Variants in CEACAM21 observed in about 807,000 individuals in gnomAD.
The protein encoded by CEACAM21 is CEA cell adhesion molecule 21.
Under a neutral mutation model 33.2 loss-of-function variants are expected in CEACAM21, and 38 were observed. That is an observed-to-expected ratio of 1.14 (90% CI 0.88 to 1.50). The LOEUF is 1.50. Among genes scored for constraint, CEACAM21 ranks in the 40% most tolerant of loss-of-function variants. CEACAM21 has a pLI of 0.00. For synonymous variants in CEACAM21, 156 were observed against 143.0 expected (o/e 1.09, Z -0.65); for missense variants, 385 against 364.6 (o/e 1.06, Z -0.46).
At chr19:41,583,645 T>A (rs1489122940) in intron 3 of CEACAM21, among the ~76,000 whole-genome samples, 1 of 152,202 alleles carries the variant, frequency 6.6e-6, no homozygotes, top group Non-Finnish European at 1.5e-5. Flanking sequence ...AGAGGACATG[T>A]GTAGGGAAGC....
chr19:41,584,048 CAG>C (rs1165120997), intron 3 of CEACAM21, among the ~76,000 whole-genome samples: 22 of 152,062 alleles, frequency 1.4e-4, no homozygotes, highest in African/African-American at 5.3e-4. Context: ...AAAAAAGAAA[CAG>C]GGGGAAGAGG....
upstream of CEACAM21, among the ~76,000 whole-genome samples, chr19:41,575,136 C>A (rs1555790568): frequency 2.6e-5 from 4 of 151,990 alleles, no homozygotes. Flanking sequence ...GTAAACTAGG[C>A]AAATTCACAG....
chr19:41,583,350 A>C (rs116352435), intron 3 of CEACAM21, among the ~76,000 whole-genome samples: 3,615 of 152,250 alleles, frequency 0.024, 155 homozygotes, highest in African/African-American at 0.083. Context: ...AGGAAGTTTC[A>C]AACTTTTTTC....
chr19:41,575,625 G>A (rs578247882), upstream of CEACAM21, among the ~76,000 whole-genome samples: 2 of 152,282 alleles, frequency 1.3e-5, no homozygotes, highest in East Asian at 3.9e-4. Context: ...TTCCATCAAA[G>A]TCCTCTCTTC....
intron 2 of CEACAM21, among the ~76,000 whole-genome samples, chr19:41,565,246 C>T (rs1189884998): frequency 5.9e-5 from 9 of 151,988 alleles, no homozygotes; most frequent in Non-Finnish European, 1.2e-4. Context: ...CCTGTGGCAC[C>T]GCCACCGCTA....
intron 1 of CEACAM21, chr19:41,550,807 A>G (rs947904221): frequency 6.6e-6 from 1 of 152,152 alleles, no homozygotes; most frequent in Non-Finnish European, 1.5e-5. Flanking sequence ...AATAATAACG[A>G]TAAATCCTAT....
chr19:41,565,557 G>A (rs1268924464), intron 2 of CEACAM21: 1 of 95,218 alleles, frequency 1.1e-5, no homozygotes, highest in Non-Finnish European at 1.7e-5. Flanking sequence ...CGCCCCCCTT[G>A]TTTTTCACAG....
upstream of CEACAM21, among the ~76,000 whole-genome samples, chr19:41,573,394 T>C (rs1184958471): frequency 1.2e-4 from 18 of 152,140 alleles, no homozygotes; most frequent in Admixed American, 1.2e-3. Context: ...AGTCAGGCCT[T>C]CCAGATGCCA....
At chr19:41,562,071 C>T (rs1555786925) in intron 1 of CEACAM21, among the ~76,000 whole-genome samples, 1 of 152,050 alleles carries the variant, frequency 6.6e-6, no homozygotes, top group Non-Finnish European at 1.5e-5. Context: ...CATGGTGAAA[C>T]CCCATCTGTA....
intron 2 of CEACAM21, among the ~76,000 whole-genome samples, chr19:41,567,504 C>A (rs1218112483): frequency 1.3e-5 from 2 of 152,196 alleles, no homozygotes; most frequent in East Asian, 1.9e-4. Context: ...CAGCAAACAA[C>A]AATTTAGCAA....
chr19:41,569,221 T>C, intron 2 of CEACAM21, among the ~76,000 whole-genome samples: 1 of 152,080 alleles, frequency 6.6e-6, no homozygotes, highest in African/African-American at 2.4e-5. Flanking sequence ...TTTTTTACTT[T>C]TATTTTTTGA....
intron 3 of CEACAM21, among the ~76,000 whole-genome samples, chr19:41,583,911 A>AGAG (rs369049113): frequency 0.032 from 4,810 of 152,278 alleles, 255 homozygotes; most frequent in African/African-American, 0.11. Flanking sequence ...GAAAAGCTGC[A>AGAG]GGTAGATTGA....
intron 3 of CEACAM21, among the ~76,000 whole-genome samples, chr19:41,579,847 TCA>T (rs1218136455): frequency 3.9e-5 from 6 of 152,200 alleles, no homozygotes; most frequent in Admixed American, 3.9e-4. Context: ...CTCCTGGGCC[TCA>T]GTTTCCTCAT....
intron 2 of CEACAM21, among the ~76,000 whole-genome samples, chr19:41,567,999 C>T (rs374053245): frequency 9.2e-5 from 14 of 151,930 alleles, no homozygotes; most frequent in African/African-American, 3.1e-4. Context: ...CACCCTTCAT[C>T]CTACAGACAT....
intron 1 of CEACAM21, among the ~76,000 whole-genome samples, chr19:41,562,587 T>C (rs2041958427): frequency 6.6e-6 from 1 of 152,140 alleles, no homozygotes; most frequent in African/African-American, 2.4e-5. Context: ...AGAAATAAAA[T>C]GTGGCATATT....
At chr19:41,571,407 A>G (rs950681317), upstream of CEACAM21, among the ~76,000 whole-genome samples, 3 of 152,282 alleles carry the variant, frequency 2.0e-5, no homozygotes, top group East Asian at 3.9e-4. Context: ...CCAAGGATCT[A>G]TACAACAAAA....
chr19:41,558,466 C>T (rs1037442111), intron 1 of CEACAM21, among the ~76,000 whole-genome samples: 13 of 151,872 alleles, frequency 8.6e-5, no homozygotes, highest in Admixed American at 6.6e-4. Flanking sequence ...GCTAACAGGA[C>T]GAAACCCCAT....
At position 41,584,397 on chromosome 19, in the gene CEACAM21, C is replaced by G; in HGVS notation, c.751C>G (p.Leu251Val). 6.2e-7 allele frequency: 1 copy of G among 1,611,230 alleles called. No homozygotes were observed. Among genetic ancestry groups the G allele is most frequent in the Non-Finnish European group, 8.5e-7 (1 of 1,178,602 alleles). The part of the protein sequence containing the change: ...ILIGVLVGSL[L>V]VAALVCFLLL... The stretch of plus-strand genomic sequence containing the variant: ...GATCGGGGTCCTGGTTGGGAGTCTT[C>G]TGGTGGCTGCACTTGTGTGTTTCCT... Residue 251 changes from leucine (L) to valine (V), a missense_variant, in exon 4 of 7, where the codon CTG (leucine) becomes GTG (valine). By Grantham distance (32) the Leu-to-Val change is conservative (BLOSUM62 1). Transcript: ENST00000401445.
At chr19:41,570,167 G>A (rs185732365) in intron 2 of CEACAM21, among the ~76,000 whole-genome samples, 30 of 152,336 alleles carry the variant, frequency 2.0e-4, no homozygotes, top group African/African-American at 7.2e-4. Context: ...GAATAATGGG[G>A]AACGAGGGTG....
Sources: allele counts gnomAD v4.1 joint callset (sites outside exome capture counted in the v4.1 genomes callset), GRCh38; gene constraint gnomAD v4.1.1; transcripts MANE v1.5; gene names NCBI Gene and HGNC (gene_info 2026-07-23, HGNC 2026-07-21).